The following CHRM5 variants were observed in gnomAD, a reference collection of about 807,000 sequenced individuals.
CHRM5 encodes the protein cholinergic receptor muscarinic 5.
CHRM5 carries 18 observed loss-of-function variants against 39.0 expected under a neutral mutation model. The observed-to-expected ratio is 0.46, with a 90% CI of 0.32 to 0.68. The LOEUF (loss-of-function observed/expected upper bound fraction) is 0.68, where lower values mean the gene tolerates loss of function less well. Ranked by LOEUF, CHRM5 falls within the 30% of genes least tolerant of loss-of-function variation. The probability of loss-of-function intolerance (pLI) is 0.04; values close to 1 mark genes in which losing one functional copy is unlikely to be tolerated. For synonymous variants in CHRM5, 241 were observed against 246.3 expected (o/e 0.98, Z 0.20); for missense variants, 515 against 651.1 (o/e 0.79, Z 2.28).
At chr15:33,977,157 T>G (rs946483959) in intron 1 of CHRM5, among the ~76,000 whole-genome samples, 4 of 152,182 alleles carry the variant, frequency 2.6e-5, no homozygotes, top group African/African-American at 9.7e-5. Context: ...ACTACCTTTT[T>G]TAGCAACAAA....
chr15:34,048,476 C>T (rs1410723208), intron 2 of CHRM5, among the ~76,000 whole-genome samples: 1 of 152,038 alleles, frequency 6.6e-6, no homozygotes, highest in African/African-American at 2.4e-5. Flanking sequence ...ATCCATTCCT[C>T]CTCACTGGGC....
intron 1 of CHRM5, among the ~76,000 whole-genome samples, chr15:34,010,364 AC>A (rs1897585529): frequency 6.6e-6 from 1 of 152,356 alleles, no homozygotes; most frequent in Admixed American, 6.5e-5. Flanking sequence ...GAGAATACTT[AC>A]AGATTATCTC....
chr15:34,019,267 A>G (rs1396039387), intron 1 of CHRM5, among the ~76,000 whole-genome samples: 1 of 152,372 alleles, frequency 6.6e-6, no homozygotes, highest in African/African-American at 2.4e-5. Context: ...AAAATCTTTT[A>G]AAAGTAGAAA....
At chr15:34,038,939 G>A in intron 1 of CHRM5, 1 of 1,105,272 alleles carries the variant, frequency 9.0e-7, no homozygotes, top group Non-Finnish European at 1.1e-6. Context: ...CGCCGCCTCT[G>A]GCTACCGCCG....
At chr15:34,061,760 C>G (rs1429608499) in intron 2 of CHRM5, among the ~76,000 whole-genome samples, 1 of 152,148 alleles carries the variant, frequency 6.6e-6, no homozygotes, top group African/African-American at 2.4e-5. Flanking sequence ...TCTTCAGCAG[C>G]TGGGGCAAAT....
At chr15:34,010,452 C>T (rs1385950151) in intron 1 of CHRM5, among the ~76,000 whole-genome samples, 2 of 152,128 alleles carry the variant, frequency 1.3e-5, no homozygotes, top group Non-Finnish European at 2.9e-5. Context: ...AACCAGACAA[C>T]AGATCCTATT....
intron 2 of CHRM5, among the ~76,000 whole-genome samples, chr15:34,049,154 A>G (rs1157665610): frequency 6.6e-6 from 1 of 152,240 alleles, no homozygotes; most frequent in Non-Finnish European, 1.5e-5. Flanking sequence ...CTCTGCCTCC[A>G]AATGACTGCA....
chr15:33,986,431 T>C (rs542897245), intron 1 of CHRM5, among the ~76,000 whole-genome samples: 48 of 152,118 alleles, frequency 3.2e-4, no homozygotes, highest in African/African-American at 1.2e-3. Context: ...TTATAAACTC[T>C]GTATAAACAC....
chr15:34,057,139 TTG>T (rs1900185378), intron 2 of CHRM5, among the ~76,000 whole-genome samples: 1 of 52,808 alleles, frequency 1.9e-5, no homozygotes, highest in Non-Finnish European at 9.2e-5. Context: ...TTGGTTTTTT[TTG>T]GTTTTTTTTT....
At position 34,014,828 on chromosome 15, in the gene CHRM5, G is replaced by A. The variant is rs200357719; in HGVS notation, c.-407-31712G>A. The stretch of plus-strand genomic sequence containing the variant: ...CCCCTTGACCTCTCAAAACTAACTG[G>A]CCAAAAGCTCTTTTGCCAGACAAAA... On this transcript the variant is annotated intron_variant, in intron 1 of 2. Coordinates refer to ENST00000383263, the MANE Select transcript of CHRM5 (RefSeq NM_012125.4). Among the ~76,000 whole-genome samples, 43 of 152,274 alleles carry A rather than the reference G, an allele frequency of 2.8e-4. 2 individuals are homozygous for A. In the East Asian group the frequency reaches 6.0e-3, roughly 21 times the overall value.
rs200142699 is a variant in CHRM5, at chr15:34,063,954, C to A, written c.1237C>A (p.Pro413Thr). 9.3e-6 allele frequency: 15 copies of A among 1,614,008 alleles called. No individual in the cohort carries two copies. The highest frequency in any genetic ancestry group is 3.3e-5 in the Admixed American group (2 of 60,000). ...MPCPFPVAKE[P>T]STKGLNPNPS... ...CTGCCCCTTCCCAGTGGCCAAGGAA[C>A]CTTCAACGAAAGGCCTCAATCCCAA... The change falls in exon 3 of 3, where the codon CCT becomes ACT. Residue 413 changes from proline (P) to threonine (T), a missense_variant. Coordinates refer to ENST00000383263, the MANE Select transcript of CHRM5 (RefSeq NM_012125.4). The surrounding 1 kb of genome is among the most constrained non-coding windows in gnomAD (Gnocchi z 4.1).
intron 1 of CHRM5, among the ~76,000 whole-genome samples, chr15:34,002,076 C>T (rs925121016): frequency 6.6e-6 from 1 of 152,112 alleles, no homozygotes; most frequent in African/African-American, 2.4e-5. Context: ...CCAGTTTACC[C>T]CAATGATAAC....
At chr15:34,021,086 T>C (rs1456794890) in intron 1 of CHRM5, among the ~76,000 whole-genome samples, 1 of 152,222 alleles carries the variant, frequency 6.6e-6, no homozygotes, top group East Asian at 1.9e-4. Context: ...CTTTTGAATT[T>C]ATTCTCCTTT....
intron 1 of CHRM5, among the ~76,000 whole-genome samples, chr15:34,032,481 CA>C (rs1006618937): frequency 1.2e-4 from 19 of 152,226 alleles, no homozygotes; most frequent in Middle Eastern, 3.4e-3. Flanking sequence ...TTAAGAATGA[CA>C]AAACCTGGAA....
chr15:33,973,657 C>T (rs1054202701), intron 1 of CHRM5, among the ~76,000 whole-genome samples: 1 of 152,148 alleles, frequency 6.6e-6, no homozygotes, highest in Non-Finnish European at 1.5e-5. Flanking sequence ...ACCTAGGCAA[C>T]ACAGCAAGAC....
At chr15:34,045,762 G>T (rs913068819) in intron 1 of CHRM5, among the ~76,000 whole-genome samples, 1 of 151,568 alleles carries the variant, frequency 6.6e-6, no homozygotes, top group African/African-American at 2.4e-5. Context: ...AGCCTCAAAA[G>T]TTGGCAAGTC....
chr15:33,990,100 AG>A (rs1405687882), intron 1 of CHRM5, among the ~76,000 whole-genome samples: 1 of 152,060 alleles, frequency 6.6e-6, no homozygotes, highest in Non-Finnish European at 1.5e-5. Context: ...GCTACTCAGG[AG>A]GCTGAGGCAG....
chr15:33,987,053 T>A (rs1896507117), intron 1 of CHRM5, among the ~76,000 whole-genome samples: 1 of 152,216 alleles, frequency 6.6e-6, no homozygotes, highest in Non-Finnish European at 1.5e-5. Context: ...TATGTTGACA[T>A]CCTCACCACT....
At chr15:34,044,263 A>G (rs1430009596) in intron 1 of CHRM5, among the ~76,000 whole-genome samples, 2 of 152,058 alleles carry the variant, frequency 1.3e-5, no homozygotes, top group Admixed American at 1.3e-4. Flanking sequence ...TGTGCCCACC[A>G]CTTCACCAAA....
Sources: gnomAD v4.1 joint callset for allele counts (sites outside exome capture counted in the v4.1 genomes callset) on GRCh38, gnomAD v4.1.1 for gene constraint, Gnocchi (gnomAD v3.1) non-coding constraint, MANE v1.5 for transcripts, NCBI Gene and HGNC (gene_info 2026-07-23, HGNC 2026-07-21) for gene names.